Variants in CFAP44 observed in about 807,000 individuals in gnomAD.
CFAP44 encodes cilia- and flagella-associated protein 44.
Under a neutral mutation model 216.2 loss-of-function variants are expected in CFAP44, and 134 were observed. The ratio of observed to expected loss-of-function variants is 0.62; its 90% CI spans 0.54 to 0.72. CFAP44 has a LOEUF of 0.72. Among genes scored for constraint, CFAP44 ranks in the 30% least tolerant of loss-of-function variants. The probability of loss-of-function intolerance (pLI) is 0.00; values close to 1 mark genes in which losing one functional copy is unlikely to be tolerated. For synonymous variants in CFAP44, 700 were observed against 727.6 expected (o/e 0.96, Z 0.61); for missense variants, 2,035 against 2,182.1 (o/e 0.93, Z 1.34).
At chr3:113,368,547 T>C (rs920579906) in intron 18 of CFAP44, among the ~76,000 whole-genome samples, 11 of 152,076 alleles carry the variant, frequency 7.2e-5, no homozygotes, top group Non-Finnish European at 1.3e-4. Context: ...TGCTGAGAGA[T>C]TTTGTCACCA....
intron 30 of CFAP44, 119 bp from the exon 31 acceptor site, chr3:113,305,271 T>G: frequency 1.2e-6 from 1 of 809,610 alleles, no homozygotes; most frequent in Non-Finnish European, 2.0e-6. Flanking sequence ...TTTGTTGGGC[T>G]GTGATTAAGT....
chr3:113,428,932 C>G (rs1935032239), intron 2 of CFAP44: 1 of 152,244 alleles, frequency 6.6e-6, no homozygotes, highest in South Asian at 2.1e-4. Context: ...TCCTCTCCAG[C>G]TATCTGAGAG....
chr3:113,319,634 T>A (rs1404708564), intron 28 of CFAP44, among the ~76,000 whole-genome samples: 1 of 151,838 alleles, frequency 6.6e-6, no homozygotes, highest in Non-Finnish European at 1.5e-5. Context: ...AGAATATACA[T>A]TCTTCTCATC....
intron 4 of CFAP44, among the ~76,000 whole-genome samples, chr3:113,425,171 T>C (rs1417238323): frequency 4.6e-5 from 7 of 152,190 alleles, no homozygotes; most frequent in Non-Finnish European, 1.0e-4. Flanking sequence ...ACGAATTAAT[T>C]TAGTTACACC....
rs773304759 is a variant in CFAP44 at position 113,401,270 on chromosome 3, T to C, written c.1344A>G (p.Ile448Met). The C allele has an allele frequency of 6.9e-6, 11 of 1,588,166 alleles. No individual in the cohort carries two copies. The highest frequency in any genetic ancestry group is 1.2e-5 in the South Asian group (1 of 84,134). Residue 448 changes from isoleucine to methionine, a missense_variant, in exon 11 of 35, where the codon ATA (isoleucine) becomes ATG (methionine). By Grantham distance (10) the Ile-to-Met change is conservative. This residue lies in a region of CFAP44 where 1,883 missense variants were observed against 2,023.7 expected (regional missense o/e 0.93). Coordinates refer to ENST00000393845, the MANE Select transcript of CFAP44 (RefSeq NM_001164496.2). ...FWLAQDANGA[I>M]WKLDLSFSNI... The stretch of plus-strand genomic sequence containing the variant: ...TTGAAAAACTAAGGTCAAGCTTCCA[T>C]ATGGCTCCATTGGCATCCTAAAAAA...
chr3:113,380,566 G>C (rs1418059943), intron 16 of CFAP44, among the ~76,000 whole-genome samples: 6 of 152,078 alleles, frequency 3.9e-5, no homozygotes, highest in Admixed American at 2.6e-4. Context: ...AAAGTGCTGG[G>C]ATGACAGGCA....
rs774707875 is a variant in CFAP44 at position 113,426,295 on chromosome 3, T to G, written c.254-18A>C. ...CTGAGGTACTAAAAAAATAAAATAA[T>G]TTAAGAAGAGTGATATGGTTTGGCT... is the stretch of plus-strand genomic sequence containing the variant. On this transcript the variant is annotated intron_variant, in intron 3 of 34. Transcript: ENST00000393845. The G allele has an allele frequency of 3.0e-5, 49 of 1,610,730 alleles. No individual in the cohort carries two copies. Among genetic ancestry groups the G allele is most frequent in the Non-Finnish European group, 4.1e-5 (48 of 1,178,662 alleles).
chr3:113,296,920 A>G (rs1419833874), intron 32 of CFAP44, 35 bp from the exon 33 acceptor site: 2 of 1,536,424 alleles, frequency 1.3e-6, no homozygotes, highest in South Asian at 1.2e-5. Flanking sequence ...AGGTTGTTCA[A>G]TGGCTCCCAT....
At chr3:113,305,232 G>A (rs1038285755) in intron 30 of CFAP44, 80 bp from the exon 31 acceptor site, 48 of 1,225,664 alleles carry the variant, frequency 3.9e-5, no homozygotes, top group Non-Finnish European at 5.2e-5. Flanking sequence ...AGGCATCTTG[G>A]GAGGAAGTAA....
chr3:113,315,418 G>A (rs1036254766), intron 28 of CFAP44, among the ~76,000 whole-genome samples: 1 of 152,040 alleles, frequency 6.6e-6, no homozygotes, highest in Admixed American at 6.6e-5. Context: ...CAACAGAGCT[G>A]TAAAATATTT....
At chr3:113,408,603 G>A (rs113092104) in intron 7 of CFAP44, among the ~76,000 whole-genome samples, 8 of 152,142 alleles carry the variant, frequency 5.3e-5, no homozygotes, top group Admixed American at 2.6e-4. Flanking sequence ...AGTGGCTTAC[G>A]CCTGCAATCC....
At chr3:113,369,586 G>C (rs1446350857) in intron 18 of CFAP44, among the ~76,000 whole-genome samples, 1 of 152,210 alleles carries the variant, frequency 6.6e-6, no homozygotes, top group Non-Finnish European at 1.5e-5. Flanking sequence ...GCAGTGTGTA[G>C]AGGGAAATTT....
At chr3:113,319,389 A>G (rs1008036830) in intron 28 of CFAP44, among the ~76,000 whole-genome samples, 3 of 152,236 alleles carry the variant, frequency 2.0e-5, no homozygotes, top group South Asian at 2.1e-4. Context: ...AGACTTAACT[A>G]TCCGAAATAT....
intron 28 of CFAP44, among the ~76,000 whole-genome samples, chr3:113,324,730 C>T (rs1257801059): frequency 1.3e-5 from 2 of 152,000 alleles, no homozygotes; most frequent in African/African-American, 4.8e-5. Context: ...TGCAATAAGG[C>T]CAGAAAATGA....
rs1366978528 is a variant in CFAP44, at chr3:113,433,685, G to A, written c.-5-16C>T. On this transcript the variant is annotated splice_polypyrimidine_tract_variant and intron_variant, in intron 1 of 34. Transcript: ENST00000393845. Reference sequence around the variant, plus strand: ...TTCATTTCCTCTGTAAGTACAAAATGGGGATGAGATATGGATAAAGCTGTA... The same window carrying A: ...TTCATTTCCTCTGTAAGTACAAAATAGGGATGAGATATGGATAAAGCTGTA... The A allele has an allele frequency of 6.3e-7, 1 of 1,580,192 alleles. No individual in the cohort carries two copies. The highest frequency in any genetic ancestry group is 1.7e-5 in the Admixed American group (1 of 59,854).
chr3:113,409,351 T>C (rs1936103738), intron 6 of CFAP44, 29 bp from the exon 7 acceptor site: 2 of 1,583,866 alleles, frequency 1.3e-6, no homozygotes, highest in Non-Finnish European at 1.7e-6. Context: ...GCCTAATAAA[T>C]AAGGACACAT....
At chr3:113,361,556 G>A (rs560695951) in intron 21 of CFAP44, among the ~76,000 whole-genome samples, 10 of 148,818 alleles carry the variant, frequency 6.7e-5, no homozygotes, top group Non-Finnish European at 1.5e-4. Flanking sequence ...GTGCAGTGAC[G>A]TGATCTCGGC....
intron 15 of CFAP44, among the ~76,000 whole-genome samples, chr3:113,389,829 C>A (rs899900980): frequency 6.6e-6 from 1 of 151,968 alleles, no homozygotes; most frequent in Non-Finnish European, 1.5e-5. Flanking sequence ...CGTGAACAGA[C>A]CAATTATGAG....
Position 113,373,367 on chromosome 3 carries a change from T to C in CFAP44, c.2444+44A>G, listed in dbSNP as rs751994270. On this transcript the variant is annotated intron_variant, in intron 18 of 34. Transcript: ENST00000393845. ...CCATGATGAACAAAAGCATAGACAC[T>C]AACAGGATATGGTTTTTTTAAAGCT... is the stretch of plus-strand genomic sequence containing the variant. 5 of 1,446,100 alleles carry C rather than the reference T, an allele frequency of 3.5e-6. No individual in the cohort carries two copies. In the South Asian group the frequency reaches 6.8e-5, roughly 20 times the overall value. The allele number at this position is 1,446,100 out of a possible 1,614,324, so 89.6% of individuals were successfully genotyped here.
Sources: gnomAD v4.1 joint callset for allele counts (sites outside exome capture counted in the v4.1 genomes callset) on GRCh38, gnomAD v4.1.1 for gene constraint, gnomAD v4.1.1 regional missense constraint, MANE v1.5 for transcripts, NCBI Gene and HGNC (gene_info 2026-07-23, HGNC 2026-07-21) for gene names.